GNG4: variants seen among roughly 807,000 people sequenced by gnomAD.
The protein encoded by GNG4 is guanine nucleotide-binding protein G(I)/G(S)/G(O) subunit gamma-4.
GNG4 carries 4 observed loss-of-function variants against 5.8 expected under a neutral mutation model. The observed-to-expected ratio is 0.69, with a 90% CI of 0.34 to 1.57. The LOEUF is 1.57. GNG4 is among the 40% of genes most tolerant of loss of function. The pLI is 0.06. For synonymous variants in GNG4, 29 were observed against 32.9 expected, an observed-to-expected ratio of 0.88 and a Z score of 0.41; for missense variants, 96 against 95.1, an observed-to-expected ratio of 1.01 and a Z score of -0.04.
intron 3 of GNG4, among the ~76,000 whole-genome samples, chr1:235,553,395 G>A (rs759188702): frequency 6.6e-6 from 1 of 152,266 alleles, no homozygotes. Context: ...TTACAGGCAG[G>A]GGTAAATACA....
chr1:235,638,668 C>A (rs866005126), intron 1 of GNG4, among the ~76,000 whole-genome samples: 7 of 152,060 alleles, frequency 4.6e-5, no homozygotes, highest in Non-Finnish European at 1.0e-4. Context: ...CCCTCACCCC[C>A]CAACAGGGCT....
intron 3 of GNG4, among the ~76,000 whole-genome samples, chr1:235,574,557 G>C (rs1329647898): frequency 6.6e-6 from 1 of 151,906 alleles, no homozygotes; most frequent in African/African-American, 2.4e-5. Flanking sequence ...GTATGTGTTC[G>C]AGCCACTCTC....
At chr1:235,593,914 C>CTTT (rs1688057056) in intron 2 of GNG4, among the ~76,000 whole-genome samples, 1 of 152,158 alleles carries the variant, frequency 6.6e-6, no homozygotes, top group Non-Finnish European at 1.5e-5. Flanking sequence ...GCCTGCACAG[C>CTTT]GTGCATGGGG....
chr1:235,587,326 A>AGT lies in GNG4; in HGVS notation c.-10-3479_-10-3478insAC, dbSNP rs1203153927. ...TGAGGGTGAGGGGTGTGTGTGTGTG[A>AGT]GAGTGTGAGAGCATGTATGAGGGTC... On this transcript the variant is annotated intron_variant, in intron 2 of 3. Coordinates refer to ENST00000391854, the MANE Select transcript of GNG4 (RefSeq NM_001098722.2). 1.3e-3 allele frequency among the ~76,000 whole-genome samples: 26 copies of AGT among 20,540 alleles called. No individual in the cohort carries two copies. In the African/African-American group the frequency reaches 0.014, roughly 11 times the overall value. 13.5% of individuals were successfully genotyped at this position (20,540 alleles called of 152,430 possible).
chr1:235,598,585 G>T (rs757331739), intron 1 of GNG4, among the ~76,000 whole-genome samples: 11 of 151,794 alleles, frequency 7.2e-5, no homozygotes, highest in Non-Finnish European at 1.5e-4. Flanking sequence ...CTCCAGCCTG[G>T]GCAACAGAGA....
Position 235,649,432 on chromosome 1 carries a change from G to A in GNG4, c.-123+230C>T, listed in dbSNP as rs1401923790. Among the ~76,000 whole-genome samples, 3 of 152,016 alleles carry A rather than the reference G, an allele frequency of 2.0e-5. No individual in the cohort carries two copies. The highest frequency in any genetic ancestry group is 2.9e-5 in the Non-Finnish European group (2 of 67,994). On this transcript the variant is annotated intron_variant, in intron 1 of 3. Coordinates refer to ENST00000391854, the MANE Select transcript of GNG4 (RefSeq NM_001098722.2). The surrounding 1 kb of genome is among the most constrained non-coding windows in gnomAD (Gnocchi z 5.7). ...CGCTCCGAGGGGGCTGTCCACACCCGCGCGCGGGCTTCCCCGGGGCCCGGC... is the reference window on the plus strand; with the variant it reads ...CGCTCCGAGGGGGCTGTCCACACCCACGCGCGGGCTTCCCCGGGGCCCGGC...
intron 1 of GNG4, among the ~76,000 whole-genome samples, chr1:235,597,182 G>A (rs941907161): frequency 2.0e-4 from 30 of 152,330 alleles, no homozygotes; most frequent in African/African-American, 6.7e-4. Flanking sequence ...AGGGTTTTCC[G>A]AATGCTCTGC....
intron 1 of GNG4, among the ~76,000 whole-genome samples, chr1:235,618,529 C>G (rs1222518511): frequency 1.3e-5 from 2 of 152,100 alleles, no homozygotes; most frequent in Non-Finnish European, 2.9e-5. Context: ...ATTTGGGAAG[C>G]CAGACTCTCC....
At chr1:235,571,637 G>A (rs1687347313) in intron 3 of GNG4, among the ~76,000 whole-genome samples, 1 of 152,106 alleles carries the variant, frequency 6.6e-6, no homozygotes, top group Non-Finnish European at 1.5e-5. Context: ...ACTTTCTTGT[G>A]TATACAGTCA....
intron 1 of GNG4, among the ~76,000 whole-genome samples, chr1:235,620,260 G>T (rs1168465941): frequency 6.6e-6 from 1 of 152,160 alleles, no homozygotes; most frequent in Non-Finnish European, 1.5e-5. Flanking sequence ...AGCTACGTGG[G>T]TGGCTGAGGC....
intron 1 of GNG4, among the ~76,000 whole-genome samples, chr1:235,620,016 A>G (rs181013435): frequency 3.6e-4 from 55 of 152,358 alleles, no homozygotes; most frequent in African/African-American, 1.2e-3. Flanking sequence ...GTGCACAGCT[A>G]TATTAAGAAA....
chr1:235,641,037 TA>T (rs1412381816), intron 1 of GNG4, among the ~76,000 whole-genome samples: 1 of 152,200 alleles, frequency 6.6e-6, no homozygotes, highest in African/African-American at 2.4e-5. Flanking sequence ...TCTTATATGC[TA>T]GGGGTGAGAG....
At chr1:235,615,745 A>G (rs1688575574) in intron 1 of GNG4, 1 of 253,560 alleles carries the variant, frequency 3.9e-6, no homozygotes, top group Non-Finnish European at 8.0e-6. Flanking sequence ...AAGAAGCACC[A>G]GGAGGAGGGG....
At chr1:235,596,221 C>T (rs1219064602) in intron 1 of GNG4, among the ~76,000 whole-genome samples, 184 of 147,342 alleles carry the variant, frequency 1.2e-3, no homozygotes, top group South Asian at 8.7e-3. Flanking sequence ...CACACACACA[C>T]ACACACACAC....
intron 3 of GNG4, among the ~76,000 whole-genome samples, chr1:235,574,388 A>G (rs1687425542): frequency 6.6e-6 from 1 of 152,182 alleles, no homozygotes; most frequent in Non-Finnish European, 1.5e-5. Flanking sequence ...AGCAACAACA[A>G]AAAAGCAAGT....
At chr1:235,610,405 A>G (rs527293848) in intron 1 of GNG4, among the ~76,000 whole-genome samples, 23 of 152,284 alleles carry the variant, frequency 1.5e-4, no homozygotes, top group Admixed American at 9.2e-4. Flanking sequence ...CACTGTAGTT[A>G]CTTTTTATTT....
At chr1:235,618,619 A>G (rs560591230) in intron 1 of GNG4, among the ~76,000 whole-genome samples, 2 of 151,412 alleles carry the variant, frequency 1.3e-5, no homozygotes, top group African/African-American at 4.9e-5. Context: ...GATTCACAAG[A>G]GTACTGCTTC....
At chr1:235,558,872 T>C (rs955484159) in intron 3 of GNG4, among the ~76,000 whole-genome samples, 1 of 152,214 alleles carries the variant, frequency 6.6e-6, no homozygotes, top group Admixed American at 6.5e-5. Flanking sequence ...TGAAAAGAAT[T>C]GGTAGCTTGG....
rs535566378 is a variant in GNG4 at position 235,616,870 on chromosome 1, C to T, written c.-122-21359G>A. ...TCTCCTGCCTCAGCCTCCCCAGTAG[C>T]AGGGATTACAGGCACCCACAAACAC... On this transcript the variant is annotated intron_variant, in intron 1 of 3. Transcript: ENST00000391854. Among the ~76,000 whole-genome samples the T allele has an allele frequency of 2.0e-5, 3 of 150,184 alleles. No individual in the cohort carries two copies. The South Asian group carries it at 6.3e-4, about 32-fold the overall frequency.
Sources: allele counts gnomAD v4.1 joint callset (sites outside exome capture counted in the v4.1 genomes callset), GRCh38; gene constraint gnomAD v4.1.1; non-coding constraint Gnocchi (gnomAD v3.1); transcripts MANE v1.5; gene names NCBI Gene and HGNC (gene_info 2026-07-23, HGNC 2026-07-21).